SULF1: variants seen among roughly 807,000 people sequenced by gnomAD.
SULF1 encodes the protein extracellular sulfatase Sulf-1.
In SULF1, 46 loss-of-function variants were observed where a neutral mutation model predicts 110.5. That is an observed-to-expected ratio of 0.42 (90% CI 0.33 to 0.53). SULF1 has a LOEUF of 0.53. Ranked by LOEUF, SULF1 falls within the 20% of genes least tolerant of loss-of-function variation. The pLI, the probability that SULF1 is intolerant of heterozygous loss-of-function variation, is 0.12. For missense variants in SULF1, 941 were observed against 1,094.2 expected, an observed-to-expected ratio of 0.86 and a Z score of 1.98; for synonymous variants, 371 against 387.1, an observed-to-expected ratio of 0.96 and a Z score of 0.49.
intron 1 of SULF1, among the ~76,000 whole-genome samples, chr8:69,475,330 T>A (rs1404210269): frequency 2.7e-5 from 4 of 150,500 alleles, no homozygotes; most frequent in Non-Finnish European, 5.9e-5. Flanking sequence ...TAAGGAAAAA[T>A]GAGAGTGACA....
chr8:69,630,581 C>T (rs756887699), intron 19 of SULF1, among the ~76,000 whole-genome samples: 9 of 152,078 alleles, frequency 5.9e-5, no homozygotes, highest in East Asian at 5.8e-4. Flanking sequence ...ACATCGAGGC[C>T]GAATGAACTC....
chr8:69,566,642 G>A (rs11991489), intron 5 of SULF1, among the ~76,000 whole-genome samples: 34,717 of 152,012 alleles, frequency 0.23, 4,214 homozygotes, highest in African/African-American at 0.32. Context: ...CCTGAGGTCA[G>A]GAGTTCAAGA....
At chr8:69,621,341 T>G in intron 14 of SULF1, 90 bp downstream of exon 14, 2 of 872,572 alleles carry the variant, frequency 2.3e-6, no homozygotes, top group Non-Finnish European at 3.3e-6. Context: ...CTTCTACATT[T>G]TAGATATTAT....
At chr8:69,561,488 A>G (rs148634336) in intron 3 of SULF1, among the ~76,000 whole-genome samples, 1 of 152,238 alleles carries the variant, frequency 6.6e-6, no homozygotes, top group South Asian at 2.1e-4. Flanking sequence ...AAGATAAAGA[A>G]AAGAATAACT....
At position 69,563,927 on chromosome 8, in the gene SULF1, TC is replaced by T. The variant is rs758546979; in HGVS notation, c.-48del. ...CTCTGACTGCCCAGAACTCCAGAAA[TC>T]AGGAGACGGAGACATTTTGTCAGTT... On this transcript the variant is annotated 5_prime_UTR_variant, in exon 5 of 23. Coordinates refer to ENST00000402687, the MANE Select transcript of SULF1 (RefSeq NM_001128205.2). 23 of 1,589,498 alleles carry T rather than the reference TC, an allele frequency of 1.4e-5. No homozygotes were observed. The highest frequency in any genetic ancestry group is 2.0e-5 in the Non-Finnish European group (23 of 1,160,328).
intron 2 of SULF1, among the ~76,000 whole-genome samples, chr8:69,497,821 AACTGCAGTAACAC>A (rs1445583092): frequency 6.6e-6 from 1 of 152,186 alleles, no homozygotes; most frequent in Non-Finnish European, 1.5e-5. Flanking sequence ...CCTAAGTGCT[AACTGCAGTAACAC>A]ACTGACACAG....
chr8:69,637,434 A>G (rs922245522), intron 19 of SULF1, among the ~76,000 whole-genome samples: 7 of 152,224 alleles, frequency 4.6e-5, no homozygotes, highest in African/African-American at 1.7e-4. Flanking sequence ...AAATAAGAAA[A>G]TCACTCGAAT....
At chr8:69,596,003 G>A (rs1248880389) in intron 8 of SULF1, among the ~76,000 whole-genome samples, 1 of 152,182 alleles carries the variant, frequency 6.6e-6, no homozygotes, top group African/African-American at 2.4e-5. Flanking sequence ...ATACCGGAAA[G>A]AAAATCAAAC....
In SULF1 at chr8:69,565,871, G is replaced by A. The variant is rs76293528; in HGVS notation, c.172+1724G>A. On this transcript the variant is annotated intron_variant, in intron 5 of 22. Coordinates refer to ENST00000402687, the MANE Select transcript of SULF1 (RefSeq NM_001128205.2). ...ACACAATTGCCATCTCCCCAAAGGT[G>A]TCTGGTGGCTTCACCCCCCTCGCCT... 7.6e-4 allele frequency among the ~76,000 whole-genome samples: 115 copies of A among 152,170 alleles called. 1 individual carries two copies. In the East Asian group the frequency reaches 0.021, roughly 28 times the overall value.
At chr8:69,626,469 C>G (rs1400623089) in intron 15 of SULF1, among the ~76,000 whole-genome samples, 6 of 152,240 alleles carry the variant, frequency 3.9e-5, no homozygotes, top group African/African-American at 1.2e-4. Flanking sequence ...CTGCCAGTCC[C>G]GCGCCATGCG....
At chr8:69,473,352 G>A (rs185947884) in intron 1 of SULF1, 6 of 152,146 alleles carry the variant, frequency 3.9e-5, no homozygotes, top group African/African-American at 9.6e-5. Context: ...ATCTCTGTGC[G>A]GAATAAATGA....
rs540933910 is a variant in SULF1, at chr8:69,626,716, G to C, written c.1851-494G>C. 3.3e-5 allele frequency among the ~76,000 whole-genome samples: 5 copies of C among 152,352 alleles called. No individual in the cohort carries two copies. In the South Asian group the frequency reaches 1.0e-3, roughly 32 times the overall value. Reference sequence around the variant, plus strand: ...TACCTCCGCAGCCGCTGGCCCGGGTGCTAAGCCCCTCACTGCCCGGGGCCG... The same window carrying C: ...TACCTCCGCAGCCGCTGGCCCGGGTCCTAAGCCCCTCACTGCCCGGGGCCG... On this transcript the variant is annotated intron_variant, in intron 15 of 22. Transcript: ENST00000402687.
intron 3 of SULF1, among the ~76,000 whole-genome samples, chr8:69,546,745 AAG>A (rs903277606): frequency 8.5e-5 from 13 of 152,236 alleles, no homozygotes; most frequent in African/African-American, 2.9e-4. Context: ...TTTAAAACAT[AAG>A]AGTCTATTAA....
At chr8:69,602,019 A>C (rs113982826) in intron 10 of SULF1, among the ~76,000 whole-genome samples, 190 bp downstream of exon 10, 5,307 of 152,302 alleles carry the variant, frequency 0.035, 115 homozygotes, top group African/African-American at 0.066. Flanking sequence ...TATACTACTT[A>C]AAGAGAAAGG....
At chr8:69,482,456 A>G (rs1809550863) in intron 1 of SULF1, among the ~76,000 whole-genome samples, 1 of 152,198 alleles carries the variant, frequency 6.6e-6, no homozygotes. Context: ...AAACAGAGGC[A>G]CATCTTTGGT....
chr8:69,570,259 TC>T (rs1286083486), intron 5 of SULF1, among the ~76,000 whole-genome samples: 23 of 152,344 alleles, frequency 1.5e-4, no homozygotes, highest in African/African-American at 5.5e-4. Context: ...TGTATATGAA[TC>T]CCACATGTCT....
rs373898793 is a variant in SULF1 at position 69,577,857 on chromosome 8, G to C, written c.412+1648G>C. On this transcript the variant is annotated intron_variant, in intron 6 of 22. Coordinates refer to ENST00000402687, the MANE Select transcript of SULF1 (RefSeq NM_001128205.2). ...TGAACCCAGCACATCTGACTCCAAA[G>C]TCTTTCCTCTGTTCATTGTCTTATT... Among the ~76,000 whole-genome samples, 9 of 152,294 alleles carry C rather than the reference G, an allele frequency of 5.9e-5. No individual in the cohort carries two copies. The East Asian group carries it at 1.7e-3, about 29-fold the overall frequency.
At chr8:69,616,183 AATAT>A (rs1260286890) in intron 13 of SULF1, among the ~76,000 whole-genome samples, 3 of 144,372 alleles carry the variant, frequency 2.1e-5, no homozygotes, top group Non-Finnish European at 3.0e-5. Context: ...TGTGTATATA[AATAT>A]ATATACACAT....
chr8:69,657,271 T>C (rs988118506), intron 22 of SULF1, among the ~76,000 whole-genome samples: 1 of 152,226 alleles, frequency 6.6e-6, no homozygotes, highest in Admixed American at 6.5e-5. Flanking sequence ...AAATTTCCCA[T>C]CTTTTGCTTC....
Sources: gnomAD v4.1 joint callset for allele counts (sites outside exome capture counted in the v4.1 genomes callset) on GRCh38, gnomAD v4.1.1 for gene constraint, MANE v1.5 for transcripts, NCBI Gene and HGNC (gene_info 2026-07-23, HGNC 2026-07-21) for gene names.